The following SLAMF1 variants were observed in gnomAD, a reference collection of about 807,000 sequenced individuals.
The protein encoded by SLAMF1 is signaling lymphocytic activation molecule.
SLAMF1 carries 18 observed loss-of-function variants against 35.1 expected under a neutral mutation model. That is an observed-to-expected ratio of 0.51 (90% CI 0.35 to 0.76). The LOEUF is 0.76. SLAMF1 is among the 30% of genes least tolerant of loss of function. The pLI, the probability that SLAMF1 is intolerant of heterozygous loss-of-function variation, is 0.01. For synonymous variants in SLAMF1, 168 were observed against 157.2 expected (o/e 1.07, Z -0.51); for missense variants, 392 against 413.0 (o/e 0.95, Z 0.44).
At chr1:160,639,642 C>T (rs544800715) in intron 1 of SLAMF1, among the ~76,000 whole-genome samples, 2 of 152,284 alleles carry the variant, frequency 1.3e-5, no homozygotes, top group African/African-American at 4.8e-5. Context: ...GGCCTGGGTA[C>T]TGCCGTCTTC....
chr1:160,646,504 C>T (rs1661046243), intron 1 of SLAMF1, among the ~76,000 whole-genome samples: 1 of 152,214 alleles, frequency 6.6e-6, no homozygotes. Context: ...CTCAGTCCAT[C>T]CAGCTCAGTC....
intron 6 of SLAMF1, among the ~76,000 whole-genome samples, chr1:160,611,477 G>C (rs535990822): frequency 2.0e-5 from 3 of 152,084 alleles, no homozygotes; most frequent in Non-Finnish European, 4.4e-5. Context: ...TGAAATATAG[G>C]GCACCTGCCC....
At chr1:160,628,361 C>T (rs1238544086) in intron 3 of SLAMF1, among the ~76,000 whole-genome samples, 2 of 152,170 alleles carry the variant, frequency 1.3e-5, no homozygotes, top group African/African-American at 4.8e-5. Context: ...TATCATCTTC[C>T]TCCATTCTCA....
Position 160,646,780 on chromosome 1 carries a change from C to G in SLAMF1, c.76+90G>C, listed in dbSNP as rs546140041. On this transcript the variant is annotated intron_variant, in intron 1 of 6. Coordinates refer to ENST00000302035, the MANE Select transcript of SLAMF1 (RefSeq NM_003037.5). ...AAGGAAGAGTGACCAAACACAATACCCAGCCCTGCACCTTCTCTCCATCCA... is the reference window on the plus strand; with the variant it reads ...AAGGAAGAGTGACCAAACACAATACGCAGCCCTGCACCTTCTCTCCATCCA... 3.0e-5 allele frequency: 22 copies of G among 735,650 alleles called. No homozygotes were observed. The East Asian group carries it at 5.9e-4, about 20-fold the overall frequency. The allele number at this position is 735,650 out of a possible 1,614,324, so 45.6% of individuals were successfully genotyped here. A position where few individuals can be genotyped will look rare whatever the true frequency, so the allele number is the denominator to read the frequency against.
intron 1 of SLAMF1, among the ~76,000 whole-genome samples, chr1:160,641,659 T>C (rs920429463): frequency 6.6e-6 from 1 of 151,852 alleles, no homozygotes; most frequent in Non-Finnish European, 1.5e-5. Context: ...AATACCTGAG[T>C]GTGTGAGTGT....
chr1:160,640,898 T>TGTG (rs1007496189), intron 1 of SLAMF1, among the ~76,000 whole-genome samples: 12 of 152,168 alleles, frequency 7.9e-5, no homozygotes, highest in African/African-American at 2.9e-4. Flanking sequence ...TTATAGTTAT[T>TGTG]GTGGTGGTGG....
intron 3 of SLAMF1, among the ~76,000 whole-genome samples, chr1:160,633,252 T>C (rs905781407): frequency 6.6e-5 from 10 of 152,028 alleles, no homozygotes; most frequent in African/African-American, 1.9e-4. Context: ...ATGTGGTTTG[T>C]ATGCAAGGTG....
At chr1:160,630,151 GT>G (rs1448427173) in intron 3 of SLAMF1, among the ~76,000 whole-genome samples, 1 of 152,186 alleles carries the variant, frequency 6.6e-6, no homozygotes, top group Non-Finnish European at 1.5e-5. Context: ...TCAGAATACA[GT>G]CATCGAGGAT....
chr1:160,614,647 A>T (rs1659195896), intron 5 of SLAMF1, among the ~76,000 whole-genome samples: 1 of 152,024 alleles, frequency 6.6e-6, no homozygotes, highest in Non-Finnish European at 1.5e-5. Context: ...GTTTGGGAGA[A>T]CTTTAGCATA....
rs375166258 is a variant in SLAMF1, at chr1:160,612,567, T to G, written c.878A>C (p.Lys293Thr). The change falls in exon 6 of 7, where the codon AAA becomes ACA. Residue 293 changes from lysine to threonine, a missense_variant. Coordinates refer to ENST00000302035, the MANE Select transcript of SLAMF1 (RefSeq NM_003037.5). ...GTCCTGAGCTGGGAAGGAGTCAAGTTTCTTCTGAAGAGGCTACAAGAGAAG... is the reference window on the plus strand; with the variant it reads ...GTCCTGAGCTGGGAAGGAGTCAAGTGTCTTCTGAAGAGGCTACAAGAGAAG... ...QVQKPGPLQK[K>T]LDSFPAQDPC... The G allele has an allele frequency of 1.2e-6, 2 of 1,611,140 alleles. No homozygotes were observed. Among genetic ancestry groups the G allele is most frequent in the African/African-American group, 2.7e-5 (2 of 74,840 alleles).
chr1:160,622,363 A>T (rs1299165219), intron 4 of SLAMF1, among the ~76,000 whole-genome samples: 1 of 152,208 alleles, frequency 6.6e-6, no homozygotes, highest in Non-Finnish European at 1.5e-5. Flanking sequence ...TTCTCTTACC[A>T]TAACTGTAAA....
At chr1:160,630,332 T>C (rs1004730942) in intron 3 of SLAMF1, among the ~76,000 whole-genome samples, 5 of 152,186 alleles carry the variant, frequency 3.3e-5, no homozygotes, top group Admixed American at 1.3e-4. Context: ...ATACATGACC[T>C]GAACAAATGT....
chr1:160,642,840 AC>A lies in SLAMF1; in HGVS notation c.76+4029del, dbSNP rs1660822644. On this transcript the variant is annotated intron_variant, in intron 1 of 6. Transcript: ENST00000302035. This position sits in a 1 kb window ranked among gnomAD's most constrained non-coding sequence, Gnocchi z 4.2. Reference sequence around the variant, plus strand: ...AGACAACTTGCCAAGAACACTTGAAACCCTTTACCTCTGCATTTGTGCCTCC... The same window carrying A: ...AGACAACTTGCCAAGAACACTTGAAACCTTTACCTCTGCATTTGTGCCTCC... Among the ~76,000 whole-genome samples, 3 of 151,986 alleles carry A rather than the reference AC, an allele frequency of 2.0e-5. No individual in the cohort carries two copies. Among genetic ancestry groups the A allele is most frequent in the South Asian group, 4.2e-4 (2 of 4,804 alleles).
chr1:160,644,781 G>T (rs1660945080), intron 1 of SLAMF1, among the ~76,000 whole-genome samples: 1 of 152,178 alleles, frequency 6.6e-6, no homozygotes, highest in South Asian at 2.1e-4. Flanking sequence ...GAAGTGCCTA[G>T]ATTGACATCT....
intron 6 of SLAMF1, 102 bp from the exon 7 acceptor site, chr1:160,610,900 A>ACCCTGCACAAGCCATGATC: frequency 1.1e-6 from 1 of 938,342 alleles, no homozygotes; most frequent in Non-Finnish European, 1.7e-6. Context: ...GGTCTTAGAG[A>ACCCTGCACAAGCCATGATC]TCATGGCTTG....
At chr1:160,612,331 A>G (rs1659029470) in intron 6 of SLAMF1, among the ~76,000 whole-genome samples, 157 bp downstream of exon 6, 1 of 150,936 alleles carries the variant, frequency 6.6e-6, no homozygotes, top group South Asian at 2.1e-4. Flanking sequence ...AGGATTTGTT[A>G]TACACAGTAT....
Position 160,608,388 on chromosome 1 carries a change from C to T in SLAMF1, c.*2360G>A, listed in dbSNP as rs1446534182. On this transcript the variant is annotated 3_prime_UTR_variant, in exon 7 of 7. Coordinates refer to ENST00000302035, the MANE Select transcript of SLAMF1 (RefSeq NM_003037.5). Reference sequence around the variant, plus strand: ...AAAGAAAACAGCATTAGAGGGGAAACACGGGGAAAACTTATTGTTTTAAGT... The same window carrying T: ...AAAGAAAACAGCATTAGAGGGGAAATACGGGGAAAACTTATTGTTTTAAGT... 1 of 152,168 alleles carries T rather than the reference C, an allele frequency of 6.6e-6. No individual in the cohort carries two copies. The highest frequency in any genetic ancestry group is 1.5e-5 in the Non-Finnish European group (1 of 68,050). The allele number at this position is 152,168 out of a possible 1,614,324, so 9.4% of individuals were successfully genotyped here. A position where few individuals can be genotyped will look rare whatever the true frequency, so the allele number is the denominator to read the frequency against.
intron 1 of SLAMF1, among the ~76,000 whole-genome samples, chr1:160,640,325 C>CATATTTAT (rs1660671674): frequency 1.1e-5 from 1 of 94,158 alleles, no homozygotes; most frequent in African/African-American, 4.2e-5. Context: ...TTAGGTTTGT[C>CATATTTAT]ATATATATAT....
At chr1:160,627,517 T>C (rs758498082) in intron 3 of SLAMF1, among the ~76,000 whole-genome samples, 1 of 152,228 alleles carries the variant, frequency 6.6e-6, no homozygotes, top group African/African-American at 2.4e-5. Context: ...TCTTTACTTA[T>C]GGCTTAGTTT....
Sources: allele counts gnomAD v4.1 joint callset (sites outside exome capture counted in the v4.1 genomes callset), GRCh38; gene constraint gnomAD v4.1.1; non-coding constraint Gnocchi (gnomAD v3.1); transcripts MANE v1.5; gene names NCBI Gene and HGNC (gene_info 2026-07-23, HGNC 2026-07-21).